The following ERG variants were observed in gnomAD, a reference collection of about 807,000 sequenced individuals.
ERG encodes ETS transcription factor ERG.
Under a neutral mutation model 55.3 loss-of-function variants are expected in ERG, and 9 were observed. The ratio of observed to expected loss-of-function variants is 0.16; its 90% CI spans 0.10 to 0.28. ERG has a LOEUF of 0.28. Among genes scored for constraint, ERG ranks in the 10% least tolerant of loss-of-function variants. ERG has a pLI of 1.00. For synonymous variants in ERG, 223 were observed against 237.3 expected, an observed-to-expected ratio of 0.94 and a Z score of 0.55; for missense variants, 434 against 631.6, an observed-to-expected ratio of 0.69 and a Z score of 3.35.
chr21:38,388,152 A>G (rs1987791494), intron 9 of ERG, among the ~76,000 whole-genome samples: 1 of 152,242 alleles, frequency 6.6e-6, no homozygotes, highest in South Asian at 2.1e-4. Context: ...GCACCATTGA[A>G]GAGTATCCAG....
Position 38,460,456 on chromosome 21 carries a change from T to C in ERG, c.19-14835A>G, listed in dbSNP as rs576621043. On this transcript the variant is annotated intron_variant, in intron 1 of 9. Coordinates refer to ENST00000288319, the MANE Select transcript of ERG (RefSeq NM_182918.4). This position sits in a 1 kb window ranked among gnomAD's most constrained non-coding sequence, Gnocchi z 5.0. The stretch of plus-strand genomic sequence containing the variant: ...AAGTTTTATTATTTTCAAAACTAAA[T>C]GTGATGAGAATGCATATATTGCATA... Among the ~76,000 whole-genome samples the C allele has an allele frequency of 1.1e-4, 17 of 152,346 alleles. No homozygotes were observed. In the South Asian group the frequency reaches 3.1e-3, roughly 28 times the overall value.
At chr21:38,450,215 A>C (rs938381035) in intron 1 of ERG, among the ~76,000 whole-genome samples, 2 of 23,112 alleles carry the variant, frequency 8.7e-5, no homozygotes, top group Non-Finnish European at 1.9e-4. Context: ...CAAAAAAAAA[A>C]CAAAGAAAAA....
Position 38,383,931 on chromosome 21 carries a change from G to T in ERG, c.920-8C>A. On this transcript the variant is annotated splice_region_variant and splice_polypyrimidine_tract_variant and intron_variant, in intron 9 of 9. Coordinates refer to ENST00000288319, the MANE Select transcript of ERG (RefSeq NM_182918.4). The surrounding 1 kb of genome is among the most constrained non-coding windows in gnomAD (Gnocchi z 5.7). ...GCTGGATCTGGCCACTGCCTAATGA[G>T]GTCAGGAGAGGAAGGAAAACTCCAG... The T allele has an allele frequency of 6.2e-7, 1 of 1,605,722 alleles. No homozygotes were observed.
At position 38,556,893 on chromosome 21, in the gene ERG, T is replaced by C. The variant is rs537707221; in HGVS notation, c.-41+18769A>G. On this transcript the variant is annotated intron_variant, in intron 2 of 8. Transcript: ENST00000398897. The stretch of plus-strand genomic sequence containing the variant: ...CACTGAAATTTGAGAGTTAGAGCTA[T>C]TAGCCTACCCTGATTAACGCTGGGG... 3.9e-5 allele frequency among the ~76,000 whole-genome samples: 6 copies of C among 152,288 alleles called. No individual in the cohort carries two copies. In the South Asian group the frequency reaches 1.2e-3, roughly 32 times the overall value.
In ERG at chr21:38,600,647, G is replaced by A. The variant is rs150125109; in HGVS notation, c.-149-15702C>T. Among the ~76,000 whole-genome samples the A allele has an allele frequency of 3.2e-3, 494 of 152,290 alleles. 5 individuals carry two copies. Among genetic ancestry groups the A allele is most frequent in the Non-Finnish European group, 2.9e-3 (198 of 68,018 alleles). On this transcript the variant is annotated intron_variant, in intron 1 of 10. Coordinates refer to the ERG transcript ENST00000398910. ...ATAAAGGGCAGGGACAAGGGGCTCC[G>A]TTTTATTTGACCAATAGCTGCAAAA...
chr21:38,547,774 A>G (rs1425040877), intron 2 of ERG, among the ~76,000 whole-genome samples: 1 of 152,232 alleles, frequency 6.6e-6, no homozygotes, highest in Non-Finnish European at 1.5e-5. Context: ...AACCATCAAA[A>G]TAGTTCCCTG....
intron 1 of ERG, among the ~76,000 whole-genome samples, chr21:38,610,844 C>T (rs1284980937): frequency 6.6e-6 from 1 of 152,206 alleles, no homozygotes; most frequent in Non-Finnish European, 1.5e-5. Context: ...GGAACTGCTT[C>T]ACCGCACTGG....
At chr21:38,461,541 C>T (rs771867621) in intron 1 of ERG, among the ~76,000 whole-genome samples, 2 of 152,162 alleles carry the variant, frequency 1.3e-5, no homozygotes, top group Non-Finnish European at 2.9e-5. Flanking sequence ...AGGTACCACA[C>T]TATGCTCTGT....
intron 1 of ERG, among the ~76,000 whole-genome samples, chr21:38,606,054 T>C (rs995562034): frequency 6.9e-6 from 1 of 145,212 alleles, no homozygotes; most frequent in African/African-American, 2.4e-5. Flanking sequence ...TGATAAATGA[T>C]TGATAAATGA....
intron 2 of ERG, among the ~76,000 whole-genome samples, chr21:38,438,828 A>T (rs1057367069): frequency 5.3e-5 from 8 of 152,308 alleles, no homozygotes; most frequent in Middle Eastern, 3.4e-3. Flanking sequence ...ATCGTGCAAC[A>T]GAGCAGTGGT....
intron 1 of ERG, among the ~76,000 whole-genome samples, chr21:38,650,164 T>A (rs1480465379): frequency 2.6e-5 from 4 of 152,162 alleles, no homozygotes; most frequent in Non-Finnish European, 4.4e-5. Flanking sequence ...AATTCCCTTA[T>A]TATGCACTAG....
intron 2 of ERG, among the ~76,000 whole-genome samples, chr21:38,543,893 T>C (rs909883976): frequency 6.6e-6 from 1 of 152,050 alleles, no homozygotes. Flanking sequence ...TGCACCACCA[T>C]GCCTAGCTAA....
rs1338100082 is a variant in ERG, at chr21:38,614,314, A to C, written c.-149-29369T>G. Among the ~76,000 whole-genome samples, 6 of 152,270 alleles carry C rather than the reference A, an allele frequency of 3.9e-5. No homozygotes were observed. In the East Asian group the frequency reaches 1.2e-3, roughly 29 times the overall value. ...TCCCCTTGTTCTTACAATGAATCCC[A>C]ATGTTGTTCAGGGCCACAATATCTT... On this transcript the variant is annotated intron_variant, in intron 1 of 10. Coordinates refer to the ERG transcript ENST00000398910.
At chr21:38,395,842 G>C (rs1017051249) in intron 6 of ERG, among the ~76,000 whole-genome samples, 3 of 152,100 alleles carry the variant, frequency 2.0e-5, no homozygotes, top group African/African-American at 7.2e-5. Flanking sequence ...CCCTTTCCTG[G>C]AGGGCTAAGT....
intron 2 of ERG, among the ~76,000 whole-genome samples, chr21:38,554,014 G>T (rs375790625): frequency 6.8e-6 from 1 of 147,924 alleles, no homozygotes; most frequent in Non-Finnish European, 1.5e-5. Context: ...TAAAAAAAAT[G>T]GGCCAAAAAA....
intron 2 of ERG, among the ~76,000 whole-genome samples, chr21:38,520,347 T>G (rs545401251): frequency 3.3e-5 from 5 of 152,306 alleles, no homozygotes; most frequent in African/African-American, 1.2e-4. Context: ...TCCAGAGAAG[T>G]AGCCCTCTAG....
chr21:38,415,931 A>T (rs1048881975), intron 3 of ERG, among the ~76,000 whole-genome samples: 9 of 152,196 alleles, frequency 5.9e-5, no homozygotes, highest in African/African-American at 2.2e-4. Context: ...ACCTCACTAA[A>T]CTTACAATCT....
At chr21:38,636,689 AC>A (rs1366564384) in intron 1 of ERG, among the ~76,000 whole-genome samples, 1 of 152,012 alleles carries the variant, frequency 6.6e-6, no homozygotes, top group Non-Finnish European at 1.5e-5. Context: ...CTCCTCTCCC[AC>A]CTGGGCTGGC....
intron 5 of ERG, among the ~76,000 whole-genome samples, chr21:38,402,315 G>A (rs760071990): frequency 6.6e-6 from 1 of 152,112 alleles, no homozygotes; most frequent in African/African-American, 2.4e-5. Context: ...AATTCTGCAC[G>A]TCTCCTGGTT....
Sources: gnomAD v4.1 joint callset for allele counts (sites outside exome capture counted in the v4.1 genomes callset) on GRCh38, gnomAD v4.1.1 for gene constraint, Gnocchi (gnomAD v3.1) non-coding constraint, MANE v1.5 for transcripts, NCBI Gene and HGNC (gene_info 2026-07-23, HGNC 2026-07-21) for gene names.